The following GMDS variants were observed in gnomAD, a reference collection of about 807,000 sequenced individuals.
The protein encoded by GMDS is GDP-mannose 4,6-dehydratase.
A neutral mutation model predicts 49.9 loss-of-function variants in GMDS; 20 were observed. That is an observed-to-expected ratio of 0.40 (90% CI 0.28 to 0.58). The LOEUF is 0.58. Ranked by LOEUF, GMDS falls within the 20% of genes least tolerant of loss-of-function variation. The probability of loss-of-function intolerance (pLI) is 0.42; values close to 1 mark genes in which losing one functional copy is unlikely to be tolerated. For synonymous variants in GMDS, 177 were observed against 178.6 expected (o/e 0.99, Z 0.07); for missense variants, 362 against 481.4 (o/e 0.75, Z 2.32).
intron 4 of GMDS, among the ~76,000 whole-genome samples, chr6:2,071,203 C>G (rs1022889515): frequency 6.6e-6 from 1 of 152,204 alleles, no homozygotes; most frequent in Non-Finnish European, 1.5e-5. Flanking sequence ...AACGTCAAAT[C>G]CTAAATTCCC....
chr6:1,673,316 G>T (rs1388458948), intron 9 of GMDS, among the ~76,000 whole-genome samples: 1 of 151,356 alleles, frequency 6.6e-6, no homozygotes, highest in Non-Finnish European at 1.5e-5. Flanking sequence ...GGCATGAGGA[G>T]ACTCAGTTTT....
chr6:2,006,615 G>A (rs1767198300), intron 4 of GMDS, among the ~76,000 whole-genome samples: 1 of 152,036 alleles, frequency 6.6e-6, no homozygotes, highest in African/African-American at 2.4e-5. Flanking sequence ...TATATACTAT[G>A]TGTATTGTTT....
intron 7 of GMDS, among the ~76,000 whole-genome samples, chr6:1,869,960 G>T (rs1758645262): frequency 6.6e-6 from 1 of 152,204 alleles, no homozygotes; most frequent in African/African-American, 2.4e-5. Context: ...CCGCAGGGTG[G>T]GTACAGCTGA....
chr6:1,772,566 T>C (rs1327765749), intron 7 of GMDS, among the ~76,000 whole-genome samples: 1 of 152,226 alleles, frequency 6.6e-6, no homozygotes, highest in Non-Finnish European at 1.5e-5. Context: ...GCAGAGGTCA[T>C]CCACTGAAGT....
At chr6:1,974,811 A>G (rs976785819) in intron 4 of GMDS, among the ~76,000 whole-genome samples, 5 of 151,454 alleles carry the variant, frequency 3.3e-5, no homozygotes, top group Non-Finnish European at 7.4e-5. Context: ...CGGGCAGATC[A>G]CCTGAGGTCA....
intron 6 of GMDS, among the ~76,000 whole-genome samples, chr6:1,949,331 C>T (rs923475591): frequency 4.7e-5 from 7 of 149,850 alleles, no homozygotes; most frequent in African/African-American, 1.8e-4. Context: ...ATGCACACAG[C>T]TGATGATGAG....
rs556663520 is a variant in GMDS at position 1,904,893 on chromosome 6, G to A, written c.771+25210C>T. Reference sequence around the variant, plus strand: ...TGTCACATGGTTGACAAAGGGCAACGTCAACAATTCTCAGAGGCAACGTTA... The same window carrying A: ...TGTCACATGGTTGACAAAGGGCAACATCAACAATTCTCAGAGGCAACGTTA... On this transcript the variant is annotated intron_variant, in intron 7 of 10. Coordinates refer to ENST00000380815, the MANE Select transcript of GMDS (RefSeq NM_001500.4). Among the ~76,000 whole-genome samples, 23 of 152,320 alleles carry A rather than the reference G, an allele frequency of 1.5e-4. No homozygotes were observed. The Middle Eastern group carries it at 0.01, about 68-fold the overall frequency.
chr6:1,943,786 T>C (rs1188320599), intron 6 of GMDS, among the ~76,000 whole-genome samples: 13 of 152,216 alleles, frequency 8.5e-5, no homozygotes. Context: ...CTTCTCTGCC[T>C]TCATGTTTGT....
intron 7 of GMDS, among the ~76,000 whole-genome samples, chr6:1,801,651 C>T (rs1304740499): frequency 3.3e-5 from 5 of 152,222 alleles, no homozygotes; most frequent in South Asian, 2.1e-4. Context: ...GAAGCTAAAA[C>T]GGTGAGCACA....
At chr6:1,650,738 C>T (rs1387024910) in intron 9 of GMDS, among the ~76,000 whole-genome samples, 10 of 107,538 alleles carry the variant, frequency 9.3e-5, no homozygotes, top group Non-Finnish European at 2.0e-4. Context: ...CCATGCCTGG[C>T]TAATTTTTTT....
At position 1,836,055 on chromosome 6, in the gene GMDS, G is replaced by A. The variant is rs1390137536; in HGVS notation, c.772-93469C>T. Among the ~76,000 whole-genome samples the A allele has an allele frequency of 1.3e-5, 2 of 152,068 alleles. No homozygotes were observed. The highest frequency in any genetic ancestry group is 2.9e-5 in the Non-Finnish European group (2 of 67,994). On this transcript the variant is annotated intron_variant, in intron 7 of 10. Coordinates refer to ENST00000380815, the MANE Select transcript of GMDS (RefSeq NM_001500.4). The surrounding 1 kb of genome is among the most constrained non-coding windows in gnomAD (Gnocchi z 4.2). ...GCTAATTTTTTGGATTTTTAGTAGA[G>A]ACAGGGTTTCACCATGTTAGCCAGG...
chr6:1,740,001 G>A (rs553887719), intron 8 of GMDS, among the ~76,000 whole-genome samples: 13 of 152,008 alleles, frequency 8.6e-5, no homozygotes, highest in South Asian at 2.1e-4. Context: ...ATCATCCTTC[G>A]CAACTTTTGG....
At chr6:1,994,319 G>C (rs1002112488) in intron 4 of GMDS, among the ~76,000 whole-genome samples, 3 of 152,138 alleles carry the variant, frequency 2.0e-5, no homozygotes, top group African/African-American at 7.2e-5. Flanking sequence ...GTATGTGAAA[G>C]TAGAAGGCTA....
rs568173032 is a variant in GMDS at position 1,851,564 on chromosome 6, C to T, written c.771+78539G>A. On this transcript the variant is annotated intron_variant, in intron 7 of 10. Coordinates refer to ENST00000380815, the MANE Select transcript of GMDS (RefSeq NM_001500.4). ...ACTGTATAGCAGACCCCATACTGGA[C>T]AGCAGAACGAGGCATTTAATACATT... Among the ~76,000 whole-genome samples the T allele has an allele frequency of 8.5e-5, 13 of 152,182 alleles. No homozygotes were observed. The East Asian group carries it at 2.1e-3, about 25-fold the overall frequency.
At chr6:1,905,729 G>A (rs10458055) in intron 7 of GMDS, among the ~76,000 whole-genome samples, 49,024 of 121,478 alleles carry the variant, frequency 0.4, 9,113 homozygotes, top group Non-Finnish European at 0.51. Context: ...ATAGCTATGG[G>A]TGCTGGCGTG....
intron 1 of GMDS, among the ~76,000 whole-genome samples, chr6:2,170,970 G>C (rs1777976328): frequency 6.6e-6 from 1 of 151,982 alleles, no homozygotes; most frequent in African/African-American, 2.4e-5. Flanking sequence ...ACTCCAGCCT[G>C]GGCAAAAGAG....
intron 6 of GMDS, among the ~76,000 whole-genome samples, chr6:1,946,455 A>T (rs887145527): frequency 6.6e-6 from 1 of 152,222 alleles, no homozygotes; most frequent in African/African-American, 2.4e-5. Flanking sequence ...GAGATGAGTG[A>T]CAGAGCATCT....
chr6:2,107,498 C>G (rs1349657913), intron 4 of GMDS, among the ~76,000 whole-genome samples: 1 of 152,152 alleles, frequency 6.6e-6, no homozygotes, highest in Non-Finnish European at 1.5e-5. Context: ...CATTATAAAC[C>G]TAAACATGAA....
intron 4 of GMDS, among the ~76,000 whole-genome samples, chr6:2,108,488 G>A (rs1396103121): frequency 1.3e-5 from 2 of 152,048 alleles, no homozygotes; most frequent in African/African-American, 2.4e-5. Context: ...TTAATTTTAT[G>A]TTAGTATCAC....
Sources: allele counts gnomAD v4.1 joint callset (sites outside exome capture counted in the v4.1 genomes callset), GRCh38; gene constraint gnomAD v4.1.1; non-coding constraint Gnocchi (gnomAD v3.1); transcripts MANE v1.5; gene names NCBI Gene and HGNC (gene_info 2026-07-23, HGNC 2026-07-21).